NPR3: variants seen among roughly 807,000 people sequenced by gnomAD.
NPR3 encodes the protein atrial natriuretic peptide receptor 3.
A neutral mutation model predicts 54.5 loss-of-function variants in NPR3; 34 were observed. The ratio of observed to expected loss-of-function variants is 0.62; its 90% CI spans 0.47 to 0.83. NPR3 has a LOEUF of 0.83. NPR3 is among the 40% of genes least tolerant of loss of function. The pLI is 0.00. For missense variants in NPR3, 674 were observed against 720.8 expected, an observed-to-expected ratio of 0.94 and a Z score of 0.74; for synonymous variants, 289 against 297.1, an observed-to-expected ratio of 0.97 and a Z score of 0.28.
intron 2 of NPR3, among the ~76,000 whole-genome samples, chr5:32,729,723 TTCTA>T (rs1012655202): frequency 6.6e-6 from 1 of 152,212 alleles, no homozygotes; most frequent in African/African-American, 2.4e-5. Context: ...TAAACATAGA[TTCTA>T]TCTAAGTATA....
intron 3 of NPR3, among the ~76,000 whole-genome samples, chr5:32,766,101 C>T (rs886441658): frequency 6.6e-6 from 1 of 152,162 alleles, no homozygotes; most frequent in African/African-American, 2.4e-5. Flanking sequence ...CAGAGGATGG[C>T]GGGGGTGCCC....
chr5:32,787,645 A>G lies in NPR3; in HGVS notation c.*1300A>G, dbSNP rs1164417749. ...ACTCCACAGAACTTTGTAGGCATCC[A>G]TGAATACCTGTAATAGTGGGTTAGG... On this transcript the variant is annotated 3_prime_UTR_variant, in exon 8 of 8. Transcript: ENST00000265074. 3 of 152,224 alleles carry G rather than the reference A, an allele frequency of 2.0e-5. No individual in the cohort carries two copies. The highest frequency in any genetic ancestry group is 1.3e-4 in the Admixed American group (2 of 15,278). The allele number at this position is 152,224 out of a possible 1,614,324, so 9.4% of individuals were successfully genotyped here.
intron 3 of NPR3, among the ~76,000 whole-genome samples, chr5:32,764,510 G>T (rs927477639): frequency 2.0e-4 from 31 of 152,068 alleles, no homozygotes; most frequent in African/African-American, 6.7e-4. Context: ...GAATTTGGCC[G>T]GGCACGGTGG....
chr5:32,713,402 C>G (rs1392992295), intron 1 of NPR3: 15 of 985,300 alleles, frequency 1.5e-5, no homozygotes, highest in Non-Finnish European at 1.7e-5. Context: ...CGGGGGGACG[C>G]GGACGTGTAA....
chr5:32,718,391 C>T (rs184348606), intron 1 of NPR3, among the ~76,000 whole-genome samples: 1 of 152,296 alleles, frequency 6.6e-6, no homozygotes, highest in East Asian at 1.9e-4. Context: ...TCATTTGTAG[C>T]TTGATGGGGA....
chr5:32,727,796 GT>G (rs566625365), intron 2 of NPR3, among the ~76,000 whole-genome samples: 2 of 152,052 alleles, frequency 1.3e-5, no homozygotes, highest in Non-Finnish European at 1.5e-5. Context: ...AACAATGACA[GT>G]TTTTTTCTCT....
chr5:32,744,758 C>T (rs1740209646), intron 3 of NPR3, among the ~76,000 whole-genome samples: 1 of 152,198 alleles, frequency 6.6e-6, no homozygotes, highest in Admixed American at 6.5e-5. Context: ...TCTTTCCTGA[C>T]ACCCCAGACT....
rs11427729 is a variant in NPR3, at chr5:32,785,138, ATTTTTTTTTTTTTTTTT to A, written c.1514+267_1514+283del. Among the ~76,000 whole-genome samples, 4 of 90,900 alleles carry A rather than the reference ATTTTTTTTTTTTTTTTT, an allele frequency of 4.4e-5. No homozygotes were observed. The South Asian group carries it at 1.6e-3, about 37-fold the overall frequency. 59.6% of individuals were successfully genotyped at this position (90,900 alleles called of 152,430 possible). ...AGCTGCTGCTGCCCTTTGATCACAG[ATTTTTTTTTTTTTTTTT>A]TTTTTTTTTTTGAGACGGAGTCTCA... On this transcript the variant is annotated intron_variant, in intron 7 of 7. Transcript: ENST00000265074.
At chr5:32,719,038 G>C (rs1405159185) in intron 1 of NPR3, among the ~76,000 whole-genome samples, 1 of 152,156 alleles carries the variant, frequency 6.6e-6, no homozygotes, top group Non-Finnish European at 1.5e-5. Flanking sequence ...TCAATACCTA[G>C]TTTATTGAGA....
At chr5:32,736,767 C>T (rs1376505232) in intron 2 of NPR3, among the ~76,000 whole-genome samples, 1 of 152,098 alleles carries the variant, frequency 6.6e-6, no homozygotes, top group East Asian at 1.9e-4. Context: ...CTGTGGCCTC[C>T]TCAGTGTCTG....
intron 1 of NPR3, 105 bp from the exon 2 acceptor site, chr5:32,724,593 C>T: frequency 2.3e-6 from 3 of 1,322,284 alleles, no homozygotes; most frequent in South Asian, 2.6e-5. Flanking sequence ...TACTTCAGGA[C>T]CATATAAGTA....
chr5:32,746,589 G>A (rs1740314119), intron 3 of NPR3, among the ~76,000 whole-genome samples: 1 of 152,180 alleles, frequency 6.6e-6, no homozygotes, highest in Admixed American at 6.5e-5. Flanking sequence ...TTTTATTTCT[G>A]AAATGAAAGA....
intron 1 of NPR3, among the ~76,000 whole-genome samples, 179 bp downstream of exon 1, chr5:32,712,724 G>T (rs1191009910): frequency 6.6e-6 from 1 of 152,258 alleles, no homozygotes. Context: ...ACCGCCCATC[G>T]CGGTGTACGT....
At chr5:32,756,801 C>G (rs1740866457) in intron 3 of NPR3, among the ~76,000 whole-genome samples, 1 of 152,156 alleles carries the variant, frequency 6.6e-6, no homozygotes, top group South Asian at 2.1e-4. Context: ...GGAAGTGATC[C>G]AGTTTCAGCT....
At chr5:32,755,938 A>C in intron 3 of NPR3, among the ~76,000 whole-genome samples, 1 of 152,096 alleles carries the variant, frequency 6.6e-6, no homozygotes, top group Non-Finnish European at 1.5e-5. Context: ...TGAACTCATC[A>C]TTTTTTATGG....
chr5:32,703,583 G>C (rs1737892010), intron 1 of NPR3, among the ~76,000 whole-genome samples: 1 of 152,160 alleles, frequency 6.6e-6, no homozygotes, highest in East Asian at 1.9e-4. Flanking sequence ...AATCCTGCCA[G>C]GACTGGGTCC....
intron 4 of NPR3, among the ~76,000 whole-genome samples, chr5:32,777,951 C>T (rs1324657615): frequency 6.6e-6 from 1 of 152,162 alleles, no homozygotes; most frequent in African/African-American, 2.4e-5. Flanking sequence ...TCGGCCACAT[C>T]CCATTCTTAG....
upstream of NPR3, chr5:32,710,858 G>GTTTTTTTTTTTTTTT (rs1561072778): frequency 2.9e-5 from 30 of 1,047,686 alleles, no homozygotes; most frequent in South Asian, 1.3e-4. Flanking sequence ...CCCCAGTCCT[G>GTTTTTTTTTTTTTTT]GTTTTTTTTT....
chr5:32,693,638 G>T (rs1387887855), intron 1 of NPR3, among the ~76,000 whole-genome samples: 1 of 152,178 alleles, frequency 6.6e-6, no homozygotes, highest in Non-Finnish European at 1.5e-5. Flanking sequence ...CTATCACACA[G>T]ATTTAAATAT....
Sources: gnomAD v4.1 joint callset for allele counts (sites outside exome capture counted in the v4.1 genomes callset) on GRCh38, gnomAD v4.1.1 for gene constraint, MANE v1.5 for transcripts, NCBI Gene and HGNC (gene_info 2026-07-23, HGNC 2026-07-21) for gene names.